Variants in TMCO4 observed in about 807,000 individuals in gnomAD.
TMCO4 encodes the protein transmembrane and coiled-coil domains 4, also known as transmembrane and coiled-coil domain-containing protein 4.
In TMCO4, 58 loss-of-function variants were observed where a neutral mutation model predicts 64.7. That is an observed-to-expected ratio of 0.90 (90% CI 0.73 to 1.12). The LOEUF is 1.12. Ranked by LOEUF, TMCO4 falls within the 50% of genes most tolerant of loss-of-function variation. The pLI is 0.00. For missense variants in TMCO4, 780 were observed against 825.9 expected, an observed-to-expected ratio of 0.94 and a Z score of 0.68; for synonymous variants, 325 against 346.1, an observed-to-expected ratio of 0.94 and a Z score of 0.68.
At chr1:19,724,282 A>G (rs2095399165) in intron 13 of TMCO4, among the ~76,000 whole-genome samples, 1 of 152,234 alleles carries the variant, frequency 6.6e-6, no homozygotes, top group African/African-American at 2.4e-5. Context: ...TTGGGAGTCT[A>G]CTATGTGCCA....
At chr1:19,799,551 G>A (rs1003787259) in intron 1 of TMCO4, among the ~76,000 whole-genome samples, 7 of 152,248 alleles carry the variant, frequency 4.6e-5, no homozygotes, top group African/African-American at 1.4e-4. Flanking sequence ...GGCCGAGGCC[G>A]GAGTCGCCCG....
chr1:19,715,393 G>A (rs6662538), intron 13 of TMCO4, among the ~76,000 whole-genome samples: 8,271 of 152,134 alleles, frequency 0.054, 684 homozygotes, highest in East Asian at 0.46. Flanking sequence ...ACAGGCACAG[G>A]TTACCAGTCA....
intron 15 of TMCO4, among the ~76,000 whole-genome samples, chr1:19,690,526 G>T (rs2095184737): frequency 6.6e-6 from 1 of 152,226 alleles, no homozygotes. Flanking sequence ...GGAGTGGTCA[G>T]CCAGAGCCCA....
intron 2 of TMCO4, among the ~76,000 whole-genome samples, chr1:19,790,057 G>GAAAAAAAAAAAAAAAAAAAAAAAAAAA (rs545785612): frequency 1.2e-5 from 1 of 85,434 alleles, no homozygotes; most frequent in African/African-American, 3.7e-5. Flanking sequence ...CTCTGCCTCA[G>GAAAAAAAAAAAAAAAAAAAAAAAAAAA]AAAAAAAAAA....
At chr1:19,788,273 C>G (rs1054450363) in intron 2 of TMCO4, among the ~76,000 whole-genome samples, 13 of 152,182 alleles carry the variant, frequency 8.5e-5, no homozygotes, top group Non-Finnish European at 1.8e-4. Flanking sequence ...ACTGGAAGAA[C>G]AGCCTCCAAA....
rs746914600 is a variant in TMCO4 at position 19,683,255 on chromosome 1, C to G, written c.1690G>C (p.Gly564Arg). 3.1e-6 allele frequency: 5 copies of G among 1,614,186 alleles called. No individual in the cohort carries two copies. The highest frequency in any genetic ancestry group is 2.2e-5 in the South Asian group (2 of 91,088). Residue 564 changes from glycine to arginine, a missense_variant, in exon 16 of 16, where the codon GGT becomes CGT. Gly to Arg is a moderately radical substitution (Grantham distance 125). Coordinates refer to ENST00000294543, the MANE Select transcript of TMCO4 (RefSeq NM_181719.7). Reference protein sequence around the residue: ...ETPHQVGQTQGPISGDTSKLA... With the variant: ...ETPHQVGQTQRPISGDTSKLA... Reference sequence around the variant, plus strand: ...TTGGAGGTGTCTCCGGATATGGGACCCTGGGTTTGCCCAACCTGGTGGGGG... The same window carrying G: ...TTGGAGGTGTCTCCGGATATGGGACGCTGGGTTTGCCCAACCTGGTGGGGG...
intron 13 of TMCO4, among the ~76,000 whole-genome samples, chr1:19,711,468 C>T (rs1019894449): frequency 6.6e-6 from 1 of 152,148 alleles, no homozygotes; most frequent in Non-Finnish European, 1.5e-5. Flanking sequence ...CACTTGAACA[C>T]TTAGAGGTCA....
intron 13 of TMCO4, among the ~76,000 whole-genome samples, chr1:19,715,635 G>T (rs929449600): frequency 1.3e-5 from 2 of 152,220 alleles, no homozygotes; most frequent in African/African-American, 4.8e-5. Flanking sequence ...TTCTGCACGA[G>T]CCCTCAAGGA....
At chr1:19,684,881 G>A (rs2095134266) in intron 15 of TMCO4, among the ~76,000 whole-genome samples, 1 of 152,160 alleles carries the variant, frequency 6.6e-6, no homozygotes, top group Admixed American at 6.5e-5. Flanking sequence ...CAGAGCTTGA[G>A]CAGCCATCTT....
chr1:19,744,841 C>T (rs939584550), intron 10 of TMCO4, among the ~76,000 whole-genome samples: 6 of 152,218 alleles, frequency 3.9e-5, no homozygotes, highest in African/African-American at 7.2e-5. Context: ...CATTTAGTTA[C>T]TCGGTCTGTC....
In TMCO4 at chr1:19,771,178, T is replaced by G. The variant is rs74058633; in HGVS notation, c.354+130A>C. The stretch of plus-strand genomic sequence containing the variant: ...AATTCAACATCAGCTATGATCATGA[T>G]ATGATATTATGATGACATATTTTAT... On this transcript the variant is annotated intron_variant, in intron 5 of 15. Transcript: ENST00000294543. 5.7e-3 allele frequency: 5,452 copies of G among 957,918 alleles called. 191 individuals are homozygous for G. The African/African-American group carries it at 0.081, about 14-fold the overall frequency. The allele number at this position is 957,918 out of a possible 1,614,324, so 59.3% of individuals were successfully genotyped here.
Position 19,739,890 on chromosome 1 carries a change from C to T in TMCO4, c.1113G>A (p.Gly371=). ...CCTCTGCTGATCGATGGAGACACACCCCCCAGGGGTTGTCGATGACATTGG... is the reference window on the plus strand; with the variant it reads ...CCTCTGCTGATCGATGGAGACACACTCCCCAGGGGTTGTCGATGACATTGG... ...SVANVIDNPW[G]VCLHRSAEVG... The change falls in exon 12 of 16, where the codon GGG becomes GGA. Residue 371 remains glycine (G), a synonymous_variant. Transcript: ENST00000294543. 1 of 1,613,976 alleles carries T rather than the reference C, an allele frequency of 6.2e-7. No homozygotes were observed. The highest frequency in any genetic ancestry group is 8.5e-7 in the Non-Finnish European group (1 of 1,179,986).
intron 6 of TMCO4, among the ~76,000 whole-genome samples, chr1:19,759,101 CAAAAAAAAAAA>C (rs1163885215): frequency 1.9e-4 from 4 of 21,178 alleles, no homozygotes; most frequent in East Asian, 1.5e-3. Flanking sequence ...GACTCGGTCT[CAAAAAAAAAAA>C]AAAAAAAAAA....
At chr1:19,768,509 G>A (rs2042840795) in intron 6 of TMCO4, among the ~76,000 whole-genome samples, 1 of 152,174 alleles carries the variant, frequency 6.6e-6, no homozygotes, top group African/African-American at 2.4e-5. Flanking sequence ...TCCAGGGGGT[G>A]CAGAGAGAAA....
At chr1:19,704,098 A>G (rs2095289722) in intron 13 of TMCO4, among the ~76,000 whole-genome samples, 1 of 152,226 alleles carries the variant, frequency 6.6e-6, no homozygotes, top group Non-Finnish European at 1.5e-5. Context: ...TTCCAGGCTG[A>G]TAACAGTTTG....
intron 3 of TMCO4, among the ~76,000 whole-genome samples, chr1:19,785,735 T>A (rs2043706102): frequency 6.6e-6 from 1 of 152,078 alleles, no homozygotes; most frequent in Admixed American, 6.5e-5. Context: ...GCAGAATCCA[T>A]GCCCTCAGCA....
At chr1:19,792,077 G>A (rs144156771) in intron 2 of TMCO4, among the ~76,000 whole-genome samples, 2,428 of 152,220 alleles carry the variant, frequency 0.016, 72 homozygotes, top group African/African-American at 0.055. Flanking sequence ...CGCCATGATT[G>A]TGAGGCCTCC....
At chr1:19,785,372 C>CTTTTG (rs796885981) in intron 3 of TMCO4, among the ~76,000 whole-genome samples, 2 of 152,046 alleles carry the variant, frequency 1.3e-5, no homozygotes, top group Admixed American at 6.5e-5. Context: ...TTGTTTGTTT[C>CTTTTG]TTTTGTTTTG....
At chr1:19,715,740 G>T (rs1014518094) in intron 13 of TMCO4, among the ~76,000 whole-genome samples, 1 of 152,188 alleles carries the variant, frequency 6.6e-6, no homozygotes, top group Non-Finnish European at 1.5e-5. Flanking sequence ...GCTGTGAAGT[G>T]GCCTTTTCCT....
Sources: allele counts gnomAD v4.1 joint callset (sites outside exome capture counted in the v4.1 genomes callset), GRCh38; gene constraint gnomAD v4.1.1; transcripts MANE v1.5; gene names NCBI Gene and HGNC (gene_info 2026-07-23, HGNC 2026-07-21).